The following UVRAG variants were observed in gnomAD, a reference collection of about 807,000 sequenced individuals.
UVRAG encodes the protein UV radiation resistance associated, also known as UV radiation resistance-associated gene protein.
A neutral mutation model predicts 78.0 loss-of-function variants in UVRAG; 19 were observed. The observed-to-expected ratio is 0.24, with a 90% CI of 0.17 to 0.36. The LOEUF (loss-of-function observed/expected upper bound fraction) is 0.36. Ranked by LOEUF, UVRAG falls within the 10% of genes least tolerant of loss-of-function variation. UVRAG has a pLI of 1.00. For synonymous variants in UVRAG, 323 were observed against 324.6 expected, an observed-to-expected ratio of 1.00 and a Z score of 0.05; for missense variants, 740 against 853.8, an observed-to-expected ratio of 0.87 and a Z score of 1.66.
At chr11:76,015,667 A>G (rs1455444206) in intron 11 of UVRAG, among the ~76,000 whole-genome samples, 1 of 152,222 alleles carries the variant, frequency 6.6e-6, no homozygotes, top group Non-Finnish European at 1.5e-5. Flanking sequence ...ATAGTCTGCT[A>G]TGGTAGTTAA....
At chr11:75,899,379 A>G (rs1407604366) in intron 5 of UVRAG, among the ~76,000 whole-genome samples, 1 of 152,092 alleles carries the variant, frequency 6.6e-6, no homozygotes, top group Non-Finnish European at 1.5e-5. Flanking sequence ...TACCATTGCC[A>G]GTTTTCATTT....
chr11:75,904,539 G>T (rs1947576153), intron 5 of UVRAG, among the ~76,000 whole-genome samples: 1 of 152,188 alleles, frequency 6.6e-6, no homozygotes, highest in African/African-American at 2.4e-5. Context: ...AAACAGGAGG[G>T]CTTAATAATG....
intron 14 of UVRAG, among the ~76,000 whole-genome samples, chr11:76,128,869 G>T (rs1332002551): frequency 6.6e-6 from 1 of 152,026 alleles, no homozygotes; most frequent in East Asian, 1.9e-4. Context: ...ATCCATCTGA[G>T]GAAATGCCTT....
At chr11:75,920,939 C>T (rs1947968024) in intron 6 of UVRAG, among the ~76,000 whole-genome samples, 1 of 152,144 alleles carries the variant, frequency 6.6e-6, no homozygotes, top group Non-Finnish European at 1.5e-5. Flanking sequence ...CATATTTATT[C>T]AGCCACTACC....
intron 4 of UVRAG, among the ~76,000 whole-genome samples, chr11:75,884,240 T>TCTCTCTTTCTCTCTC (rs1555080662): frequency 1.5e-5 from 2 of 132,470 alleles, no homozygotes; most frequent in African/African-American, 6.4e-5. Flanking sequence ...CTCTCTCTCT[T>TCTCTCTTTCTCTCTC]TCTCTCTCTC....
chr11:76,136,791 C>G (rs1482375717), intron 14 of UVRAG, among the ~76,000 whole-genome samples: 1 of 152,154 alleles, frequency 6.6e-6, no homozygotes, highest in Non-Finnish European at 1.5e-5. Flanking sequence ...AGCCGCCACA[C>G]CTGGCCCATA....
At chr11:75,860,643 A>G (rs1946397573) in intron 2 of UVRAG, among the ~76,000 whole-genome samples, 2 of 152,246 alleles carry the variant, frequency 1.3e-5, no homozygotes, top group African/African-American at 4.8e-5. Flanking sequence ...TAAAATGAAA[A>G]GAACAATACT....
At chr11:75,877,152 C>T (rs955085332) in intron 3 of UVRAG, among the ~76,000 whole-genome samples, 3 of 151,836 alleles carry the variant, frequency 2.0e-5, no homozygotes, top group African/African-American at 7.3e-5. Context: ...TTTCAGAGAG[C>T]ACAGGGTTGG....
intron 12 of UVRAG, among the ~76,000 whole-genome samples, chr11:76,055,772 G>C (rs1278876893): frequency 1.3e-5 from 2 of 152,010 alleles, no homozygotes; most frequent in Non-Finnish European, 2.9e-5. Context: ...TCCAGTGGCA[G>C]GATCTCGGCT....
intron 3 of UVRAG, among the ~76,000 whole-genome samples, chr11:75,872,761 G>A (rs1019640960): frequency 2.0e-5 from 3 of 152,180 alleles, no homozygotes; most frequent in Non-Finnish European, 2.9e-5. Flanking sequence ...ACCATATGAC[G>A]TTAGACAAGT....
intron 5 of UVRAG, among the ~76,000 whole-genome samples, chr11:75,908,712 CTTTTTTTTTTTTTTTT>C (rs1024795820): frequency 4.4e-5 from 2 of 45,444 alleles, no homozygotes; most frequent in Non-Finnish European, 9.0e-5. Context: ...TGGTTCTGGG[CTTTTTTTTTTTTTTTT>C]TTTTTTTTTT....
intron 5 of UVRAG, among the ~76,000 whole-genome samples, chr11:75,901,342 C>T (rs1947494380): frequency 6.6e-6 from 1 of 152,014 alleles, no homozygotes; most frequent in African/African-American, 2.4e-5. Flanking sequence ...TTTCAAAGCT[C>T]ACTTATGGTT....
chr11:75,963,409 C>G (rs1948947652), intron 7 of UVRAG, among the ~76,000 whole-genome samples: 1 of 152,162 alleles, frequency 6.6e-6, no homozygotes, highest in Admixed American at 6.5e-5. Flanking sequence ...ATTTGGTTTA[C>G]TTGTTTCCTT....
At chr11:76,039,657 C>T (rs1254524778) in intron 12 of UVRAG, among the ~76,000 whole-genome samples, 1 of 152,162 alleles carries the variant, frequency 6.6e-6, no homozygotes, top group Non-Finnish European at 1.5e-5. Context: ...GGTGGATCAC[C>T]TAAGGTTGGG....
At chr11:75,875,531 C>T (rs1442031935) in intron 3 of UVRAG, among the ~76,000 whole-genome samples, 1 of 150,152 alleles carries the variant, frequency 6.7e-6, no homozygotes, top group African/African-American at 2.5e-5. Context: ...TAATTCCTTG[C>T]CTCCTTCCTT....
intron 7 of UVRAG, among the ~76,000 whole-genome samples, chr11:75,977,692 A>G (rs1156556316): frequency 1.3e-5 from 2 of 151,878 alleles, no homozygotes; most frequent in African/African-American, 4.8e-5. Flanking sequence ...TAGGATTGCA[A>G]CCCCTGCTTT....
chr11:75,901,409 T>C (rs1376502661), intron 5 of UVRAG, among the ~76,000 whole-genome samples: 2 of 152,210 alleles, frequency 1.3e-5, no homozygotes, highest in Non-Finnish European at 2.9e-5. Flanking sequence ...TCCTCCCAGA[T>C]AAACACCTCC....
At chr11:76,017,710 T>C (rs1032232585) in intron 12 of UVRAG, among the ~76,000 whole-genome samples, 1 of 152,112 alleles carries the variant, frequency 6.6e-6, no homozygotes, top group Non-Finnish European at 1.5e-5. Context: ...AATGGAACAA[T>C]GGAAGCCAGA....
At chr11:76,059,728 A>C (rs1317039810) in intron 12 of UVRAG, among the ~76,000 whole-genome samples, 6 of 152,228 alleles carry the variant, frequency 3.9e-5, no homozygotes, top group African/African-American at 7.2e-5. Flanking sequence ...TGCATATGTA[A>C]AAGGCAAATC....
Sources: allele counts gnomAD v4.1 joint callset (sites outside exome capture counted in the v4.1 genomes callset), GRCh38; gene constraint gnomAD v4.1.1; transcripts MANE v1.5; gene names NCBI Gene and HGNC (gene_info 2026-07-23, HGNC 2026-07-21).